PAQR5: variants seen among roughly 807,000 people sequenced by gnomAD.
The protein encoded by PAQR5 is membrane progestin receptor gamma.
A neutral mutation model predicts 34.5 loss-of-function variants in PAQR5; 20 were observed. That is an observed-to-expected ratio of 0.58 (90% CI 0.41 to 0.84). PAQR5 has a LOEUF of 0.84. PAQR5 is among the 40% of genes least tolerant of loss of function. The probability of loss-of-function intolerance (pLI) is 0.00; values close to 1 mark genes in which losing one functional copy is unlikely to be tolerated. For synonymous variants in PAQR5, 131 were observed against 155.6 expected (o/e 0.84, Z 1.18); for missense variants, 378 against 412.7 (o/e 0.92, Z 0.73).
chr15:69,348,050 C>G (rs1187365194), intron 2 of PAQR5, among the ~76,000 whole-genome samples: 1 of 152,178 alleles, frequency 6.6e-6, no homozygotes, highest in Non-Finnish European at 1.5e-5. Flanking sequence ...GGCAGGGGTC[C>G]ATGGACCACC....
chr15:69,369,869 C>A (rs575059335), intron 3 of PAQR5, among the ~76,000 whole-genome samples: 10 of 152,054 alleles, frequency 6.6e-5, no homozygotes, highest in Admixed American at 5.9e-4. Flanking sequence ...AGATTCCCTG[C>A]CTTTGGTGGG....
chr15:69,299,691 G>T (rs971286086), intron 1 of PAQR5, among the ~76,000 whole-genome samples: 1 of 152,316 alleles, frequency 6.6e-6, no homozygotes, highest in East Asian at 1.9e-4. Context: ...CTAGTCGGAT[G>T]AGCCCAGGAG....
intron 2 of PAQR5, among the ~76,000 whole-genome samples, chr15:69,340,520 G>GT: frequency 6.6e-6 from 1 of 152,146 alleles, no homozygotes; most frequent in East Asian, 1.9e-4. Flanking sequence ...TCTTGCTGAG[G>GT]TGGGCATTTG....
chr15:69,342,782 G>C (rs977096376), intron 2 of PAQR5, among the ~76,000 whole-genome samples: 1 of 152,264 alleles, frequency 6.6e-6, no homozygotes, highest in Non-Finnish European at 1.5e-5. Context: ...CAGAAGTGTG[G>C]CTCAGCCACC....
At chr15:69,401,809 T>A (rs1376409560) in intron 8 of PAQR5, among the ~76,000 whole-genome samples, 1 of 152,212 alleles carries the variant, frequency 6.6e-6, no homozygotes. Context: ...ACTCTGCTCC[T>A]GCTCAATAGT....
intron 2 of PAQR5, among the ~76,000 whole-genome samples, chr15:69,338,989 T>C (rs936259176): frequency 6.6e-6 from 1 of 152,142 alleles, no homozygotes; most frequent in Non-Finnish European, 1.5e-5. Flanking sequence ...GCTCCTGAGA[T>C]CAGTGCTTGG....
intron 8 of PAQR5, among the ~76,000 whole-genome samples, 200 bp downstream of exon 8, chr15:69,400,315 G>T (rs951883589): frequency 2.6e-5 from 4 of 152,248 alleles, no homozygotes; most frequent in African/African-American, 9.6e-5. Flanking sequence ...ATGGAGGGCA[G>T]GTGGGCCCAG....
rs1332626529 is a variant in PAQR5, at chr15:69,385,931, CCA to C, written c.385+1052_385+1053del. On this transcript the variant is annotated intron_variant, in intron 5 of 8. Coordinates refer to ENST00000395407, the MANE Select transcript of PAQR5 (RefSeq NM_017705.4). The surrounding 1 kb of genome is among the most constrained non-coding windows in gnomAD (Gnocchi z 4.7). Reference sequence around the variant, plus strand: ...ATACACTCACATACACACACTCACACCACATACACACAATACACTCACATGCA... The same window carrying C: ...ATACACTCACATACACACACTCACACCATACACACAATACACTCACATGCA... 1.3e-5 allele frequency among the ~76,000 whole-genome samples: 2 copies of C among 150,970 alleles called. No homozygotes were observed. Among genetic ancestry groups the C allele is most frequent in the African/African-American group, 4.9e-5 (2 of 40,952 alleles).
intron 6 of PAQR5, among the ~76,000 whole-genome samples, chr15:69,393,743 C>T (rs985139401): frequency 2.0e-5 from 3 of 152,044 alleles, no homozygotes; most frequent in African/African-American, 2.4e-5. Flanking sequence ...GATGCTTGCC[C>T]GAAAATCAGG....
chr15:69,327,424 T>G (rs932017366), intron 1 of PAQR5, among the ~76,000 whole-genome samples: 1 of 152,102 alleles, frequency 6.6e-6, no homozygotes, highest in Non-Finnish European at 1.5e-5. Context: ...CTCCACTCCT[T>G]AGAGCTTCCT....
At chr15:69,336,274 A>T (rs4569202) in intron 1 of PAQR5, among the ~76,000 whole-genome samples, 122,909 of 152,138 alleles carry the variant, frequency 0.81, 52,456 homozygotes, top group Non-Finnish European at 0.96. Context: ...TATAAATTAT[A>T]TCTCTTTCTA....
At chr15:69,327,981 A>G (rs907986324) in intron 1 of PAQR5, among the ~76,000 whole-genome samples, 1 of 151,924 alleles carries the variant, frequency 6.6e-6, no homozygotes, top group Non-Finnish European at 1.5e-5. Context: ...GGGTTTCACC[A>G]TGTTGGCCAG....
At chr15:69,318,162 C>A (rs1450616568) in intron 1 of PAQR5, among the ~76,000 whole-genome samples, 1 of 152,204 alleles carries the variant, frequency 6.6e-6, no homozygotes, top group Non-Finnish European at 1.5e-5. Flanking sequence ...GAGCACCCAG[C>A]CAGCCTGAGC....
chr15:69,359,497 C>T (rs1162775297), intron 2 of PAQR5, among the ~76,000 whole-genome samples: 9 of 151,900 alleles, frequency 5.9e-5, no homozygotes, highest in South Asian at 2.1e-4. Context: ...ATTGATTGAT[C>T]GAGCAGGGGG....
chr15:69,361,280 C>A (rs1345509773), intron 3 of PAQR5, among the ~76,000 whole-genome samples: 1 of 152,210 alleles, frequency 6.6e-6, no homozygotes, highest in Non-Finnish European at 1.5e-5. Context: ...TGACTGCCTA[C>A]TATGTGCAAG....
At chr15:69,372,868 G>C (rs1356851766) in intron 3 of PAQR5, among the ~76,000 whole-genome samples, 1 of 152,124 alleles carries the variant, frequency 6.6e-6, no homozygotes, top group Non-Finnish European at 1.5e-5. Context: ...TTCTGTTACT[G>C]CTGTAACAAA....
chr15:69,358,259 A>G (rs2055131612), intron 2 of PAQR5, among the ~76,000 whole-genome samples: 1 of 152,124 alleles, frequency 6.6e-6, no homozygotes, highest in Non-Finnish European at 1.5e-5. Context: ...AGTGGTCTTC[A>G]TCCTGCATTT....
chr15:69,356,247 C>T (rs1034383130), intron 2 of PAQR5, among the ~76,000 whole-genome samples: 1 of 152,186 alleles, frequency 6.6e-6, no homozygotes, highest in Admixed American at 6.5e-5. Flanking sequence ...TATTACTGGA[C>T]ATTTGCCTCT....
chr15:69,399,901 A>G, intron 7 of PAQR5, 73 bp from the exon 8 acceptor site: 1 of 1,483,420 alleles, frequency 6.7e-7, no homozygotes, highest in Non-Finnish European at 9.2e-7. Context: ...TCCCAGATGC[A>G]GGTGCTGAGA....
Sources: gnomAD v4.1 joint callset for allele counts (sites outside exome capture counted in the v4.1 genomes callset) on GRCh38, gnomAD v4.1.1 for gene constraint, Gnocchi (gnomAD v3.1) non-coding constraint, MANE v1.5 for transcripts, NCBI Gene and HGNC (gene_info 2026-07-23, HGNC 2026-07-21) for gene names.